The following SFI1 variants were observed in gnomAD, a reference collection of about 807,000 sequenced individuals.
SFI1 encodes SFI1 centrin binding protein, also known as protein SFI1 homolog.
SFI1 carries 195 observed loss-of-function variants against 207.5 expected under a neutral mutation model. The observed-to-expected ratio is 0.94, with a 90% confidence interval of 0.84 to 1.06. The LOEUF (loss-of-function observed/expected upper bound fraction) is 1.06. SFI1 is among the 50% of genes least tolerant of loss of function. The pLI, the probability that SFI1 is intolerant of heterozygous loss-of-function variation, is 0.00. For missense variants in SFI1, 1,634 were observed against 1,588.0 expected (o/e 1.03, Z -0.49); for synonymous variants, 630 against 598.9 (o/e 1.05, Z -0.76).
intron 1 of SFI1, among the ~76,000 whole-genome samples, chr22:31,499,995 A>C (rs955018807): frequency 1.8e-4 from 27 of 150,380 alleles, no homozygotes; most frequent in Admixed American, 1.7e-3. Flanking sequence ...AAAAAAAAAA[A>C]AAAAAAAACA....
At chr22:31,513,688 C>G (rs1393493383) in intron 2 of SFI1, among the ~76,000 whole-genome samples, 1 of 152,028 alleles carries the variant, frequency 6.6e-6, no homozygotes, top group Non-Finnish European at 1.5e-5. Flanking sequence ...AGCGATTCTC[C>G]TGCCTCAGCC....
At chr22:31,505,881 G>A (rs9606848) in intron 1 of SFI1, among the ~76,000 whole-genome samples, 32,961 of 151,418 alleles carry the variant, frequency 0.22, 4,585 homozygotes, top group East Asian at 0.44. Flanking sequence ...GAGACCCTGG[G>A]TGACAGCGTG....
At chr22:31,612,401 ATATATATATAT>A (rs2070462714) in intron 24 of SFI1, 1 of 63,012 alleles carries the variant, frequency 1.6e-5, no homozygotes, top group Non-Finnish European at 3.0e-5. Flanking sequence ...AAAAAAAAAT[ATATATATATAT>A]ATATATATAT....
At chr22:31,568,571 G>GACAGTAAT (rs2062640949) in intron 8 of SFI1, among the ~76,000 whole-genome samples, 1 of 146,844 alleles carries the variant, frequency 6.8e-6, no homozygotes, top group Non-Finnish European at 1.5e-5. Context: ...TAGAAGCAGT[G>GACAGTAAT]ACAGTAATAT....
chr22:31,571,333 G>C (rs1027810088), intron 8 of SFI1, among the ~76,000 whole-genome samples: 3 of 152,054 alleles, frequency 2.0e-5, no homozygotes, highest in Admixed American at 6.6e-5. Context: ...GTTTTTTTGA[G>C]ACAGGGTCTC....
chr22:31,585,862 C>T (rs1206180921), intron 14 of SFI1, among the ~76,000 whole-genome samples: 3 of 152,276 alleles, frequency 2.0e-5, no homozygotes, highest in African/African-American at 7.2e-5. Flanking sequence ...GAAGTGCCCC[C>T]TTTTTGGTCA....
intron 2 of SFI1, among the ~76,000 whole-genome samples, chr22:31,528,149 G>A (rs1442070859): frequency 2.0e-5 from 3 of 151,754 alleles, no homozygotes; most frequent in Admixed American, 1.3e-4. Context: ...GCTGGTCATG[G>A]TGGTGCATGC....
chr22:31,594,554 AAAAAAAAAG>A (rs1337270541), intron 15 of SFI1, among the ~76,000 whole-genome samples: 1 of 95,664 alleles, frequency 1.0e-5, no homozygotes, highest in Non-Finnish European at 2.1e-5. Context: ...TCTCAAAAAA[AAAAAAAAAG>A]AAAAGAAAAA....
At chr22:31,507,422 T>C (rs555737465) in intron 1 of SFI1, among the ~76,000 whole-genome samples, 3 of 152,240 alleles carry the variant, frequency 2.0e-5, no homozygotes, top group East Asian at 3.9e-4. Context: ...ATCTAGGCAA[T>C]ACCATTCAAG....
chr22:31,588,890 A>G (rs145185170), intron 14 of SFI1, among the ~76,000 whole-genome samples: 2 of 151,830 alleles, frequency 1.3e-5, no homozygotes, highest in Admixed American at 6.6e-5. Context: ...TTTCCCCCCA[A>G]AGTTTTGGAT....
intron 1 of SFI1, among the ~76,000 whole-genome samples, chr22:31,502,038 C>T (rs1410074563): frequency 1.3e-5 from 2 of 152,176 alleles, no homozygotes; most frequent in Non-Finnish European, 2.9e-5. Context: ...TGCCAGGATA[C>T]ACTCTAGCCA....
chr22:31,606,659 C>T, intron 21 of SFI1: 1 of 364,172 alleles, frequency 2.7e-6, no homozygotes, highest in Non-Finnish European at 4.9e-6. Flanking sequence ...CATAAGTGAA[C>T]TAGTTCTTAT....
At chr22:31,506,738 A>G (rs1360469344) in intron 1 of SFI1, among the ~76,000 whole-genome samples, 1 of 152,168 alleles carries the variant, frequency 6.6e-6, no homozygotes, top group East Asian at 1.9e-4. Context: ...GAACCAAATC[A>G]TGAATGAATT....
chr22:31,554,763 C>T (rs549385632), intron 6 of SFI1, among the ~76,000 whole-genome samples: 6 of 151,976 alleles, frequency 3.9e-5, no homozygotes, highest in South Asian at 2.1e-4. Context: ...CCTGCCACCA[C>T]GCCCGGCTAA....
intron 32 of SFI1, 30 bp downstream of exon 32, chr22:31,618,256 C>G (rs774500671): frequency 1.3e-6 from 2 of 1,598,614 alleles, no homozygotes; most frequent in Non-Finnish European, 1.7e-6. Context: ...CCAGGTGTCC[C>G]TGGGGACGCC....
chr22:31,568,531 C>CAAAAAAA (rs60447566), intron 8 of SFI1, among the ~76,000 whole-genome samples: 1 of 37,428 alleles, frequency 2.7e-5, no homozygotes, highest in African/African-American at 1.0e-4. Context: ...GACCCTGTCT[C>CAAAAAAA]AAAAAAAAAA....
chr22:31,562,687 G>A (rs1481713348), intron 8 of SFI1, among the ~76,000 whole-genome samples: 1 of 151,904 alleles, frequency 6.6e-6, no homozygotes, highest in Non-Finnish European at 1.5e-5. Context: ...AGGCTGGAGT[G>A]GAGTGGCACA....
chr22:31,558,766 C>T (rs954274433), intron 7 of SFI1, among the ~76,000 whole-genome samples: 6 of 152,014 alleles, frequency 3.9e-5, no homozygotes, highest in Non-Finnish European at 5.9e-5. Flanking sequence ...CATGAGCCAC[C>T]GCGCCTGGCC....
chr22:31,526,525 C>T (rs1164767332), intron 2 of SFI1, among the ~76,000 whole-genome samples: 1 of 152,094 alleles, frequency 6.6e-6, no homozygotes, highest in African/African-American at 2.4e-5. Flanking sequence ...ATTGCAGATG[C>T]GATTTGGGTG....
Sources: allele counts gnomAD v4.1 joint callset (sites outside exome capture counted in the v4.1 genomes callset), GRCh38; gene constraint gnomAD v4.1.1; transcripts MANE v1.5; gene names NCBI Gene and HGNC (gene_info 2026-07-23, HGNC 2026-07-21).